The following ARAP1 variants were observed in gnomAD, a reference collection of about 807,000 sequenced individuals.
ARAP1 encodes the protein arf-GAP with Rho-GAP domain, ANK repeat and PH domain-containing protein 1.
Under a neutral mutation model 172.2 loss-of-function variants are expected in ARAP1, and 76 were observed. The ratio of observed to expected loss-of-function variants is 0.44; its 90% CI spans 0.37 to 0.53. ARAP1 has a LOEUF of 0.53. ARAP1 is among the 20% of genes least tolerant of loss of function. The pLI is 0.00. For synonymous variants in ARAP1, 804 were observed against 803.3 expected (o/e 1.00, Z -0.01); for missense variants, 1,686 against 1,977.5 (o/e 0.85, Z 2.80).
chr11:72,721,357 G>T (rs1412604068), intron 3 of ARAP1, among the ~76,000 whole-genome samples: 1 of 152,186 alleles, frequency 6.6e-6, no homozygotes, highest in Admixed American at 6.5e-5. Context: ...CCATCACCCT[G>T]GTCTGGGGGT....
intron 3 of ARAP1, among the ~76,000 whole-genome samples, chr11:72,719,294 C>A (rs1273717237): frequency 6.6e-6 from 1 of 152,196 alleles, no homozygotes; most frequent in Non-Finnish European, 1.5e-5. Context: ...GTATAAACCA[C>A]AAACACTTCT....
chr11:72,711,195 C>G lies in ARAP1; in HGVS notation c.1093-54G>C, dbSNP rs1856998609. 9 of 1,602,958 alleles carry G rather than the reference C, an allele frequency of 5.6e-6. No individual in the cohort carries two copies. In the East Asian group the frequency reaches 2.0e-4, roughly 36 times the overall value. ...GGACCCAGCACCTCGCTGACTCCCC[C>G]AGCCTCAGCCAAAATGAAGTCTGCA... On this transcript the variant is annotated intron_variant, in intron 8 of 34. Coordinates refer to ENST00000393609, the MANE Select transcript of ARAP1 (RefSeq NM_001040118.3).
rs1244923498 is a variant in ARAP1 at position 72,711,509 on chromosome 11, G to A, written c.1023-10C>T. Reference sequence around the variant, plus strand: ...CTGATAGATGTAAGATCTGGAGAGGGAGAGGGACAACAAGCAAATGACCGG... The same window carrying A: ...CTGATAGATGTAAGATCTGGAGAGGAAGAGGGACAACAAGCAAATGACCGG... On this transcript the variant is annotated splice_polypyrimidine_tract_variant and intron_variant, in intron 7 of 34. Transcript: ENST00000393609. 2.5e-6 allele frequency: 4 copies of A among 1,607,136 alleles called. No individual in the cohort carries two copies. The highest frequency in any genetic ancestry group is 1.3e-5 in the African/African-American group (1 of 74,756).
At position 72,699,169 on chromosome 11, in the gene ARAP1, G is replaced by A. The variant is rs538195600; in HGVS notation, c.2439-62C>T. 1.4e-4 allele frequency: 212 copies of A among 1,559,088 alleles called. 1 individual carries two copies. Among genetic ancestry groups the A allele is most frequent in the South Asian group, 1.3e-3 (119 of 89,850 alleles). ...TCCAGCACGGGCCCACCCCCAACCC[G>A]CACCATCAACCGCCATCCTCTGCCC... On this transcript the variant is annotated intron_variant, in intron 17 of 34. Transcript: ENST00000393609. The surrounding 1 kb of genome is among the most constrained non-coding windows in gnomAD (Gnocchi z 4.2).
intron 13 of ARAP1, 42 bp from the exon 14 acceptor site, chr11:72,704,376 C>T: frequency 6.6e-7 from 1 of 1,508,776 alleles, no homozygotes; most frequent in Non-Finnish European, 8.8e-7. Flanking sequence ...AGCTGACAGC[C>T]AGGGGCCGTG....
intron 3 of ARAP1, chr11:72,722,170 AGAAAGAC>A: frequency 3.1e-6 from 3 of 982,952 alleles, no homozygotes; most frequent in East Asian, 2.3e-4. Context: ...AGAGAGAGAG[AGAAAGAC>A]AGAGGGAGAG....
intron 11 of ARAP1, among the ~76,000 whole-genome samples, chr11:72,709,060 A>G (rs1856895311): frequency 6.6e-6 from 1 of 151,750 alleles, no homozygotes; most frequent in Admixed American, 6.6e-5. Context: ...AAAAAAAAAA[A>G]AAAAGGAAAG....
chr11:72,708,661 G>C (rs1163977591), intron 11 of ARAP1: 2 of 152,510 alleles, frequency 1.3e-5, no homozygotes, highest in African/African-American at 2.4e-5. Flanking sequence ...CCAAGAGTGA[G>C]GAGGCAGGCG....
At chr11:72,716,051 T>C (rs1010848279) in intron 3 of ARAP1, among the ~76,000 whole-genome samples, 2 of 151,468 alleles carry the variant, frequency 1.3e-5, no homozygotes, top group African/African-American at 4.9e-5. Context: ...CAGGCGCCTG[T>C]AGTCCCAGCT....
At chr11:72,752,201 C>CCTG in intron 1 of ARAP1, 127 bp downstream of exon 1, 1 of 152,458 alleles carries the variant, frequency 6.6e-6, no homozygotes, top group Middle Eastern at 3.4e-3. Context: ...AAAAGGTAAA[C>CCTG]AGACAAGATG....
At chr11:72,712,770 A>G in intron 5 of ARAP1, 1 of 784,374 alleles carries the variant, frequency 1.3e-6, no homozygotes, top group Non-Finnish European at 2.0e-6. Context: ...CCAGTGGCAG[A>G]AACCGACCTA....
chr11:72,720,257 T>A (rs1211113761), intron 3 of ARAP1, among the ~76,000 whole-genome samples: 4 of 152,118 alleles, frequency 2.6e-5, no homozygotes, highest in African/African-American at 9.7e-5. Flanking sequence ...GCTTCCTCAA[T>A]CATGCTCTGG....
rs1199733092 is a variant in ARAP1, at chr11:72,693,740, G to C, written c.3760C>G (p.Leu1254Val). The stretch of plus-strand genomic sequence containing the variant: ...ATGGCCTGGTGCTTCTTCACCACCA[G>C]GTGGCTGTCCGTGCCCAGCCCGTGC... The part of the protein sequence containing the change: ...ILHGLGTDSH[L>V]VVKKHQAMEA... The change falls in exon 28 of 35, where the codon CTG (leucine) becomes GTG (valine). Residue 1254 changes from leucine (L) to valine (V), a missense_variant. Physicochemically the swap from Leu to Val is conservative, Grantham distance 32. Around this residue, in one of 5 missense-constraint regions of ARAP1, gnomAD observed 379 missense variants for 500.1 expected, o/e 0.76. Transcript: ENST00000393609. The surrounding 1 kb of genome is among the most constrained non-coding windows in gnomAD (Gnocchi z 4.6). 6.2e-7 allele frequency: 1 copy of C among 1,611,140 alleles called. No homozygotes were observed.
At chr11:72,685,993 C>T (rs1855665450) in intron 34 of ARAP1, 49 bp downstream of exon 34, 3 of 1,613,300 alleles carry the variant, frequency 1.9e-6, no homozygotes, top group Admixed American at 1.7e-5. Flanking sequence ...AAGGCAGGCA[C>T]CCAGCCAGGC....
At position 72,725,466 on chromosome 11, in the gene ARAP1, C is replaced by T. The variant is rs1857660875; in HGVS notation, c.509+1154G>A. 6.6e-6 allele frequency among the ~76,000 whole-genome samples: 1 copy of T among 152,100 alleles called. No homozygotes were observed. The highest frequency in any genetic ancestry group is 2.4e-5 in the African/African-American group (1 of 41,406). ...CCAGGTTCCTGGAGAGACCCTATACCTGTTACGAGTTGTGTGAACCCAGGA... is the reference window on the plus strand; with the variant it reads ...CCAGGTTCCTGGAGAGACCCTATACTTGTTACGAGTTGTGTGAACCCAGGA... On this transcript the variant is annotated intron_variant, in intron 3 of 34. Coordinates refer to ENST00000393609, the MANE Select transcript of ARAP1 (RefSeq NM_001040118.3). This position sits in a 1 kb window ranked among gnomAD's most constrained non-coding sequence, Gnocchi z 4.3.
At chr11:72,746,630 G>C (rs1250741913) in intron 1 of ARAP1, among the ~76,000 whole-genome samples, 1 of 152,162 alleles carries the variant, frequency 6.6e-6, no homozygotes, top group African/African-American at 2.4e-5. Context: ...TCAGTGTGAA[G>C]AGAAGGGAGT....
At chr11:72,730,625 A>G (rs1470511859) in intron 2 of ARAP1, among the ~76,000 whole-genome samples, 8 of 150,438 alleles carry the variant, frequency 5.3e-5, no homozygotes, top group African/African-American at 1.7e-4. Context: ...GCTTGAACCC[A>G]GGATGTGGAG....
chr11:72,749,804 C>A lies in ARAP1; in HGVS notation c.-128+2524G>T, dbSNP rs796752826. On this transcript the variant is annotated intron_variant, in intron 1 of 34. Coordinates refer to ENST00000393609, the MANE Select transcript of ARAP1 (RefSeq NM_001040118.3). ...GGCTGAGGCAGGAGAATGGCATGAA[C>A]CCAGAAGGTGGAGCCAAGATTGTGC... 5.5e-4 allele frequency among the ~76,000 whole-genome samples: 83 copies of A among 151,952 alleles called. 2 individuals are homozygous for A. The highest frequency in any genetic ancestry group is 2.8e-3 in the Admixed American group (42 of 15,270).
intron 2 of ARAP1, among the ~76,000 whole-genome samples, chr11:72,728,004 C>T (rs146261579): frequency 7.8e-4 from 119 of 152,268 alleles, no homozygotes; most frequent in Non-Finnish European, 1.5e-3. Context: ...TATGATAAAA[C>T]CCAATATCCA....
Sources: allele counts gnomAD v4.1 joint callset (sites outside exome capture counted in the v4.1 genomes callset), GRCh38; gene constraint gnomAD v4.1.1; regional missense constraint gnomAD v4.1.1; non-coding constraint Gnocchi (gnomAD v3.1); transcripts MANE v1.5; gene names NCBI Gene and HGNC (gene_info 2026-07-23, HGNC 2026-07-21).